HAGHL: variants seen among roughly 807,000 people sequenced by gnomAD.
HAGHL encodes hydroxyacylglutathione hydrolase like.
A neutral mutation model predicts 29.2 loss-of-function variants in HAGHL; 27 were observed. That is an observed-to-expected ratio of 0.92 (90% CI 0.68 to 1.27). HAGHL has a LOEUF of 1.27. Among genes scored for constraint, HAGHL ranks in the 50% most tolerant of loss-of-function variants. The pLI is 0.00. For missense variants in HAGHL, 529 were observed against 405.5 expected, an observed-to-expected ratio of 1.30 and a Z score of -2.62; for synonymous variants, 223 against 185.7, an observed-to-expected ratio of 1.20 and a Z score of -1.63.
rs766024276 is a variant in HAGHL, at chr16:729,554, C to A, written c.*98C>A. On this transcript the variant is annotated 3_prime_UTR_variant, in exon 8 of 8. Coordinates refer to ENST00000389703, the MANE Select transcript of HAGHL (RefSeq NM_032304.4). Reference sequence around the variant, plus strand: ...GCCACCTCTGGAACCTTCTTCGAGGCCCTGGCCAGCCATCTGCCCAGCCTC... The same window carrying A: ...GCCACCTCTGGAACCTTCTTCGAGGACCTGGCCAGCCATCTGCCCAGCCTC... 4 of 1,532,626 alleles carry A rather than the reference C, an allele frequency of 2.6e-6. No homozygotes were observed. The African/African-American group carries it at 4.1e-5, about 16-fold the overall frequency. 94.9% of individuals were successfully genotyped at this position (1,532,626 alleles called of 1,614,324 possible).
In HAGHL at chr16:728,875, G is replaced by A. The variant is rs1297971201; in HGVS notation, c.580G>A (p.Ala194Thr). Residue 194 changes from alanine to threonine, a missense_variant, in exon 6 of 8, where the codon GCC becomes ACC. Transcript: ENST00000389703. ...KVEPCNDHVR[A>T]KLSWAKKRDE... ...GGAGCCCTGCAACGACCACGTGAGA[G>A]CCAAGCTGTCCTGGGCTAAGGCACG... is the stretch of plus-strand genomic sequence containing the variant. 4 of 1,466,764 alleles carry A rather than the reference G, an allele frequency of 2.7e-6. No individual in the cohort carries two copies. The highest frequency in any genetic ancestry group is 2.8e-6 in the Non-Finnish European group (3 of 1,088,216). The allele number at this position is 1,466,764 out of a possible 1,614,324, so 90.9% of individuals were successfully genotyped here. A position where few individuals can be genotyped will look rare whatever the true frequency, so the allele number is the denominator to read the frequency against.
In HAGHL at chr16:728,109, C is replaced by A; in HGVS notation, c.171-7C>A. 2.0e-6 allele frequency: 3 copies of A among 1,472,288 alleles called. No homozygotes were observed. The highest frequency in any genetic ancestry group is 1.8e-6 in the Non-Finnish European group (2 of 1,116,764). 91.2% of individuals were successfully genotyped at this position (1,472,288 alleles called of 1,614,324 possible). A position where few individuals can be genotyped will look rare whatever the true frequency, so the allele number is the denominator to read the frequency against. On this transcript the variant is annotated splice_region_variant and splice_polypyrimidine_tract_variant and intron_variant, in intron 2 of 7. Transcript: ENST00000389703. ...ACCTAACCCGGCCCCCGCCCGCCCG[C>A]CCGCAGGGACCACGCGCGGGGAAAC...
intron 7 of HAGHL, 60 bp downstream of exon 7, chr16:729,148 G>C: frequency 1.9e-6 from 3 of 1,594,686 alleles, no homozygotes; most frequent in Non-Finnish European, 2.6e-6. Context: ...GAAGGCATCT[G>C]GGGACTGCGT....
intron 1 of HAGHL, 129 bp downstream of exon 1, chr16:727,743 A>G: frequency 1.4e-6 from 1 of 728,144 alleles, no homozygotes; most frequent in South Asian, 1.8e-5. Flanking sequence ...TTCCTTGTTT[A>G]TCTTGGGGCT....
chr16:727,962 C>G lies in HAGHL; in HGVS notation c.106-3C>G. ...GTGTTACCGTCACTCCCGTCCCTTT[C>G]AGCTGCTGGAGATCGTGGGCCGGGA... On this transcript the variant is annotated splice_polypyrimidine_tract_variant and splice_region_variant and intron_variant, in intron 1 of 7. Transcript: ENST00000389703. The G allele has an allele frequency of 6.2e-7, 1 of 1,607,602 alleles. No individual in the cohort carries two copies. The highest frequency in any genetic ancestry group is 8.5e-7 in the Non-Finnish European group (1 of 1,178,082).
At position 728,693 on chromosome 16, in the gene HAGHL, C is replaced by T. The variant is rs977450870; in HGVS notation, c.498+89C>T. On this transcript the variant is annotated intron_variant, in intron 5 of 7. Transcript: ENST00000389703. ...CTGTGCTAGGGGTGCAGAGTGAATG[C>T]CCACCTGAGGGCAGACCGGGCAGGG... is the stretch of plus-strand genomic sequence containing the variant. 5.4e-6 allele frequency: 7 copies of T among 1,304,022 alleles called. No homozygotes were observed. The Admixed American group carries it at 7.9e-5, about 15-fold the overall frequency. 80.8% of individuals were successfully genotyped at this position (1,304,022 alleles called of 1,614,324 possible).
chr16:729,138 G>T, intron 7 of HAGHL, 50 bp downstream of exon 7: 1 of 1,599,880 alleles, frequency 6.3e-7, no homozygotes. Flanking sequence ...GGACCCTTAG[G>T]AAGGCATCTG....
chr16:727,639 G>C (rs2151586653), intron 1 of HAGHL, 25 bp downstream of exon 1: 1 of 1,505,226 alleles, frequency 6.6e-7, no homozygotes, highest in East Asian at 2.3e-5. Context: ...CGGGCCGCAG[G>C]GACCCGGCCG....
chr16:727,394 C>T lies in HAGHL; in HGVS notation c.-116C>T, dbSNP rs982833137. 1.2e-5 allele frequency: 7 copies of T among 598,040 alleles called. No individual in the cohort carries two copies. The highest frequency in any genetic ancestry group is 1.8e-5 in the Non-Finnish European group (6 of 332,292). 37.0% of individuals were successfully genotyped at this position (598,040 alleles called of 1,614,324 possible). The stretch of plus-strand genomic sequence containing the variant: ...CTCTTTTGGCCCCCAGCGTGTTGAC[C>T]GAGCCCGCTTCGCACAGCCCTTCCT... On this transcript the variant is annotated 5_prime_UTR_variant, in exon 1 of 8. Transcript: ENST00000389703.
In HAGHL at chr16:728,237, A is replaced by AG; in HGVS notation, c.288+5dup. On this transcript the variant is annotated splice_donor_region_variant and intron_variant, in intron 3 of 7. Transcript: ENST00000389703. The stretch of plus-strand genomic sequence containing the variant: ...GGCGCACGGCGAGGAGCTGCGGGTG[A>AG]GCGCGCGCTCCCGGGAGGGGCGGGG... 6.7e-7 allele frequency: 1 copy of AG among 1,482,648 alleles called. No homozygotes were observed. Among genetic ancestry groups the AG allele is most frequent in the Non-Finnish European group, 8.9e-7 (1 of 1,125,284 alleles). 91.8% of individuals were successfully genotyped at this position (1,482,648 alleles called of 1,614,324 possible).
chr16:728,116 G>A lies in HAGHL; in HGVS notation c.171G>A (p.Trp57Ter), dbSNP rs1392120220. Residue 57 changes from tryptophan (W) to a stop codon, truncating the protein, a stop_gained and splice_region_variant, in exon 3 of 8, where the codon TGG (tryptophan) becomes TGA (stop). Coordinates refer to ENST00000389703, the MANE Select transcript of HAGHL (RefSeq NM_032304.4). LOFTEE classifies it high-confidence loss of function. ...CCGGCCCCCGCCCGCCCGCCCGCAGGGACCACGCGCGGGGAAACCCGGAGC... is the reference window on the plus strand; with the variant it reads ...CCGGCCCCCGCCCGCCCGCCCGCAGAGACCACGCGCGGGGAAACCCGGAGC... ...LTAVLTTHHH[W>*]DHARGNPELA... 1.4e-6 allele frequency: 2 copies of A among 1,473,820 alleles called. No homozygotes were observed. Among genetic ancestry groups the A allele is most frequent in the South Asian group, 2.7e-5 (2 of 73,524 alleles). The allele number at this position is 1,473,820 out of a possible 1,614,324, so 91.3% of individuals were successfully genotyped here.
In HAGHL at chr16:729,301, C is replaced by G; in HGVS notation, c.694C>G (p.Arg232Gly). ...CCCTCCCTGCAGAGAGGAGCCGGTG[C>G]GCAAGTTCACGGGCAAGGCGGTCCC... ...PFLRVAEEPV[R>G]KFTGKAVPAD... The change falls in exon 8 of 8, where the codon CGC becomes GGC. Residue 232 changes from arginine to glycine, a missense_variant. Transcript: ENST00000389703. The G allele has an allele frequency of 6.6e-7, 1 of 1,525,816 alleles. No individual in the cohort carries two copies. 94.5% of individuals were successfully genotyped at this position (1,525,816 alleles called of 1,614,324 possible).
At chr16:728,279 A>G in intron 3 of HAGHL, 37 bp from the exon 4 acceptor site, 1 of 1,513,412 alleles carries the variant, frequency 6.6e-7, no homozygotes, top group South Asian at 1.2e-5. Flanking sequence ...CCCCGGGTCC[A>G]CCCGCCCTCA....
At chr16:727,784 C>T in intron 1 of HAGHL, 170 bp downstream of exon 1, 2 of 744,610 alleles carry the variant, frequency 2.7e-6, no homozygotes, top group Non-Finnish European at 4.4e-6. Flanking sequence ...TGGCCTCCGC[C>T]CTTTCGCTGC....
rs769021405 is a variant in HAGHL, at chr16:729,489, G to A, written c.*33G>A. ...AGACCCTCACAGGGCTGGGGCCTGC[G>A]TCCCTCCTCGTGACCTCGGCCAGCT... On this transcript the variant is annotated 3_prime_UTR_variant, in exon 8 of 8. Transcript: ENST00000389703. 8.5e-6 allele frequency: 13 copies of A among 1,537,554 alleles called. No individual in the cohort carries two copies. The South Asian group carries it at 1.4e-4, about 17-fold the overall frequency.
chr16:727,881 G>A lies in HAGHL; in HGVS notation c.106-84G>A. The A allele has an allele frequency of 2.8e-6, 4 of 1,407,970 alleles. No individual in the cohort carries two copies. The South Asian group carries it at 4.9e-5, about 17-fold the overall frequency. 87.2% of individuals were successfully genotyped at this position (1,407,970 alleles called of 1,614,324 possible). A position where few individuals can be genotyped will look rare whatever the true frequency, so the allele number is the denominator to read the frequency against. ...CGCTCCCCGGGGCTCTGGCCGGCCT[G>A]GGGCAGTGAGCGCGGCGGATCCCGA... On this transcript the variant is annotated intron_variant, in intron 1 of 7. Coordinates refer to ENST00000389703, the MANE Select transcript of HAGHL (RefSeq NM_032304.4).
intron 5 of HAGHL, 60 bp from the exon 6 acceptor site, chr16:728,734 G>C (rs995269263): frequency 6.6e-7 from 1 of 1,517,888 alleles, no homozygotes; most frequent in Non-Finnish European, 9.1e-7. Context: ...CAGGCCCCCG[G>C]CGCAAGCACT....
In HAGHL at chr16:728,115, G is replaced by A; in HGVS notation, c.171-1G>A. ...CCCGGCCCCCGCCCGCCCGCCCGCA[G>A]GGACCACGCGCGGGGAAACCCGGAG... On this transcript the variant is annotated splice_acceptor_variant, in intron 2 of 7. Transcript: ENST00000389703. LOFTEE classifies it high-confidence loss of function. 3 of 1,473,532 alleles carry A rather than the reference G, an allele frequency of 2.0e-6. No homozygotes were observed. Among genetic ancestry groups the A allele is most frequent in the Non-Finnish European group, 2.7e-6 (3 of 1,117,708 alleles). 91.3% of individuals were successfully genotyped at this position (1,473,532 alleles called of 1,614,324 possible). A position where few individuals can be genotyped will look rare whatever the true frequency, so the allele number is the denominator to read the frequency against.
Position 729,363 on chromosome 16 carries a change from G to GCGCTTCGAA in HAGHL, c.758_766dup (p.Arg253_Glu255dup), listed in dbSNP as rs1350370647. On this transcript the variant is annotated inframe_insertion, in exon 8 of 8. Coordinates refer to ENST00000389703, the MANE Select transcript of HAGHL (RefSeq NM_032304.4). ...TGGAGGCGCTATGCAAGGAGCGGGC[G>GCGCTTCGAA]CGCTTCGAACAGGCGGGCGAGCCGC... The GCGCTTCGAA allele has an allele frequency of 1.3e-6, 2 of 1,532,212 alleles. No individual in the cohort carries two copies. The highest frequency in any genetic ancestry group is 1.4e-5 in the African/African-American group (1 of 72,136). 94.9% of individuals were successfully genotyped at this position (1,532,212 alleles called of 1,614,324 possible).
Sources: allele counts gnomAD v4.1 joint callset, GRCh38; gene constraint gnomAD v4.1.1; transcripts MANE v1.5; gene names NCBI Gene and HGNC (gene_info 2026-07-23, HGNC 2026-07-21).